SORCS2: variants seen among roughly 807,000 people sequenced by gnomAD.
The protein encoded by SORCS2 is sortilin related VPS10 domain containing receptor 2, also known as VPS10 domain-containing receptor SorCS2.
In SORCS2, 100 loss-of-function variants were observed where a neutral mutation model predicts 141.6. That is an observed-to-expected ratio of 0.71 (90% CI 0.60 to 0.83). The LOEUF (loss-of-function observed/expected upper bound fraction) is 0.83, where lower values mean the gene tolerates loss of function less well. SORCS2 is among the 40% of genes least tolerant of loss of function. SORCS2 has a pLI of 0.00. For missense variants in SORCS2, 1,646 were observed against 1,560.2 expected (o/e 1.05, Z -0.93); for synonymous variants, 789 against 676.9 (o/e 1.17, Z -2.57).
chr4:7,609,273 T>A (rs1373016712), intron 3 of SORCS2, among the ~76,000 whole-genome samples: 1 of 152,184 alleles, frequency 6.6e-6, no homozygotes, highest in Non-Finnish European at 1.5e-5. Context: ...AGGAATACAT[T>A]GGTTAAAATC....
chr4:7,683,877 T>G (rs1239739754), intron 10 of SORCS2, among the ~76,000 whole-genome samples: 2 of 152,182 alleles, frequency 1.3e-5, no homozygotes, highest in African/African-American at 2.4e-5. Flanking sequence ...CCCGCTCTCA[T>G]GTGGCTACCA....
intron 1 of SORCS2, among the ~76,000 whole-genome samples, chr4:7,346,378 G>A (rs1720654646): frequency 6.6e-6 from 1 of 151,936 alleles, no homozygotes; most frequent in Admixed American, 6.6e-5. Context: ...TTTCCAATTT[G>A]GCTCCATTAT....
chr4:7,290,155 G>A (rs187808956), intron 1 of SORCS2, among the ~76,000 whole-genome samples: 15 of 152,274 alleles, frequency 9.9e-5, no homozygotes, highest in African/African-American at 3.6e-4. Flanking sequence ...AGGGGAGGTG[G>A]GTTCACACCA....
intron 14 of SORCS2, 115 bp from the exon 15 acceptor site, chr4:7,712,618 A>G (rs1358053177): frequency 7.0e-7 from 1 of 1,435,448 alleles, no homozygotes; most frequent in South Asian, 1.3e-5. Flanking sequence ...CAGGAGAAGG[A>G]TATCTGTGCC....
chr4:7,307,256 G>A (rs1717895123), intron 1 of SORCS2, among the ~76,000 whole-genome samples: 1 of 152,234 alleles, frequency 6.6e-6, no homozygotes, highest in South Asian at 2.1e-4. Flanking sequence ...TCGTTCACGG[G>A]TCCTGGGAGG....
At chr4:7,560,234 C>G (rs1343455796) in intron 3 of SORCS2, among the ~76,000 whole-genome samples, 2 of 152,166 alleles carry the variant, frequency 1.3e-5, no homozygotes, top group African/African-American at 4.8e-5. Flanking sequence ...TTCTGGCAGA[C>G]TCTCGGGATT....
At chr4:7,727,016 C>G in intron 21 of SORCS2, 113 bp downstream of exon 21, 40 of 1,247,916 alleles carry the variant, frequency 3.2e-5, no homozygotes, top group East Asian at 5.6e-5. Context: ...CTGAGTGGCC[C>G]TGGGGTGGGG....
intron 2 of SORCS2, among the ~76,000 whole-genome samples, chr4:7,397,432 C>G (rs1401390256): frequency 4.6e-5 from 7 of 151,920 alleles, no homozygotes; most frequent in Non-Finnish European, 8.8e-5. Flanking sequence ...TCAGCCGCTC[C>G]CAGCAAAAAC....
chr4:7,677,363 C>T (rs765955204), intron 9 of SORCS2, among the ~76,000 whole-genome samples: 4 of 152,230 alleles, frequency 2.6e-5, no homozygotes, highest in Admixed American at 1.3e-4. Context: ...CCATGGCCAG[C>T]GAGGGGGGCT....
intron 3 of SORCS2, among the ~76,000 whole-genome samples, chr4:7,551,136 G>T (rs1191634422): frequency 2.6e-5 from 4 of 152,198 alleles, no homozygotes; most frequent in Non-Finnish European, 5.9e-5. Context: ...AAATATGCTG[G>T]AGCTGTATTT....
chr4:7,640,266 G>T (rs768248214), intron 4 of SORCS2, among the ~76,000 whole-genome samples: 4 of 150,862 alleles, frequency 2.7e-5, no homozygotes, highest in African/African-American at 9.8e-5. Flanking sequence ...GTATGTATGT[G>T]AGCATGTGTG....
chr4:7,371,259 G>A (rs560074115), intron 1 of SORCS2, among the ~76,000 whole-genome samples: 57 of 152,208 alleles, frequency 3.7e-4, no homozygotes, highest in African/African-American at 1.2e-3. Flanking sequence ...CATCGGGCCC[G>A]TCCCGCAGCT....
intron 1 of SORCS2, among the ~76,000 whole-genome samples, chr4:7,204,398 G>A (rs918258624): frequency 3.3e-5 from 5 of 152,046 alleles, no homozygotes; most frequent in African/African-American, 1.2e-4. Flanking sequence ...GTATTTTTTA[G>A]TAGAGATGGG....
chr4:7,730,931 G>A (rs1344340011), intron 23 of SORCS2, among the ~76,000 whole-genome samples: 1 of 152,262 alleles, frequency 6.6e-6, no homozygotes, highest in Non-Finnish European at 1.5e-5. Context: ...CACTGGTCAG[G>A]GAGACTGATG....
At chr4:7,669,707 C>A (rs185685684) in intron 8 of SORCS2, among the ~76,000 whole-genome samples, 219 of 152,268 alleles carry the variant, frequency 1.4e-3, no homozygotes, top group African/African-American at 5.0e-3. Context: ...GGGACTCACC[C>A]GCAAACCTCT....
intron 1 of SORCS2, among the ~76,000 whole-genome samples, chr4:7,391,146 T>C (rs1183743147): frequency 7.9e-5 from 12 of 152,206 alleles, no homozygotes; most frequent in Admixed American, 7.9e-4. Context: ...CTTTGTTTTA[T>C]TTTAATCCAT....
chr4:7,640,479 A>T (rs71601867), intron 4 of SORCS2, among the ~76,000 whole-genome samples: 11,367 of 43,166 alleles, frequency 0.26, 1,273 homozygotes, highest in African/African-American at 0.48. Context: ...TGTGTGTGTG[A>T]GAGAGAGCCT....
At chr4:7,689,408 G>T (rs932743324) in intron 10 of SORCS2, 78 bp from the exon 11 acceptor site, 1 of 1,405,330 alleles carries the variant, frequency 7.1e-7, no homozygotes, top group Admixed American at 2.0e-5. Context: ...CACAGGGGCA[G>T]ATTTGTCATC....
At chr4:7,346,374 A>G (rs1025244328) in intron 1 of SORCS2, among the ~76,000 whole-genome samples, 14 of 152,196 alleles carry the variant, frequency 9.2e-5, no homozygotes, top group African/African-American at 2.4e-4. Flanking sequence ...TTGATTTCCA[A>G]TTTGGCTCCA....
Sources: allele counts gnomAD v4.1 joint callset (sites outside exome capture counted in the v4.1 genomes callset), GRCh38; gene constraint gnomAD v4.1.1; transcripts MANE v1.5; gene names NCBI Gene and HGNC (gene_info 2026-07-23, HGNC 2026-07-21).